Variants in MSI1 observed in about 807,000 individuals in gnomAD.
MSI1 encodes the protein musashi RNA binding protein 1, also known as RNA-binding protein Musashi homolog 1.
MSI1 carries 15 observed loss-of-function variants against 54.4 expected under a neutral mutation model. The observed-to-expected ratio is 0.28, with a 90% confidence interval of 0.18 to 0.42. The LOEUF (loss-of-function observed/expected upper bound fraction) is 0.42. Ranked by LOEUF, MSI1 falls within the 20% of genes least tolerant of loss-of-function variation. The pLI is 1.00. For synonymous variants in MSI1, 200 were observed against 196.5 expected, an observed-to-expected ratio of 1.02 and a Z score of -0.15; for missense variants, 304 against 506.0, an observed-to-expected ratio of 0.60 and a Z score of 3.83.
chr12:120,364,397 T>C (rs1333732937), intron 5 of MSI1, among the ~76,000 whole-genome samples: 3 of 152,064 alleles, frequency 2.0e-5, no homozygotes, highest in Non-Finnish European at 2.9e-5. Flanking sequence ...CTGTGGTCTA[T>C]GATGTTGGAA....
rs1379939838 is a variant in MSI1, at chr12:120,368,718, C to G, written c.100+115G>C. 8 of 1,003,706 alleles carry G rather than the reference C, an allele frequency of 8.0e-6. No homozygotes were observed. The South Asian group carries it at 3.3e-4, about 41-fold the overall frequency. 62.2% of individuals were successfully genotyped at this position (1,003,706 alleles called of 1,614,324 possible). A position where few individuals can be genotyped will look rare whatever the true frequency, so the allele number is the denominator to read the frequency against. ...TCTCCGGGCGGGGCGCGAAAGAGGG[C>G]GCGAGGGCGCCCGGGGTCAGCAGGG... On this transcript the variant is annotated intron_variant, in intron 2 of 14. Coordinates refer to ENST00000257552, the MANE Select transcript of MSI1 (RefSeq NM_002442.4). This position sits in a 1 kb window ranked among gnomAD's most constrained non-coding sequence, Gnocchi z 6.6.
At chr12:120,360,852 G>A (rs889915812) in intron 6 of MSI1, among the ~76,000 whole-genome samples, 7 of 149,986 alleles carry the variant, frequency 4.7e-5, no homozygotes, top group East Asian at 1.9e-4. Context: ...AAGGGTTCTC[G>A]CTATATTGCC....
intron 6 of MSI1, among the ~76,000 whole-genome samples, chr12:120,362,548 C>T (rs570121476): frequency 6.6e-6 from 1 of 152,280 alleles, no homozygotes; most frequent in African/African-American, 2.4e-5. Flanking sequence ...CCCCCAATAC[C>T]CAGGGGACCA....
At chr12:120,353,023 G>A (rs1278971635) in intron 10 of MSI1, among the ~76,000 whole-genome samples, 1 of 152,034 alleles carries the variant, frequency 6.6e-6, no homozygotes, top group Non-Finnish European at 1.5e-5. Flanking sequence ...CCCTGGAGTC[G>A]GGTGGGGAGG....
Position 120,357,038 on chromosome 12 carries a change from G to T in MSI1, c.535-19C>A, listed in dbSNP as rs776844870. On this transcript the variant is annotated intron_variant, in intron 8 of 14. Coordinates refer to ENST00000257552, the MANE Select transcript of MSI1 (RefSeq NM_002442.4). Reference sequence around the variant, plus strand: ...ATTCCACCTGCAATGAGACCTGGCGGTTAGTCTTTCCCACAGAGCTAGAGT... The same window carrying T: ...ATTCCACCTGCAATGAGACCTGGCGTTTAGTCTTTCCCACAGAGCTAGAGT... 46 of 1,606,228 alleles carry T rather than the reference G, an allele frequency of 2.9e-5. No individual in the cohort carries two copies. Among genetic ancestry groups the T allele is most frequent in the Middle Eastern group, 1.6e-4 (1 of 6,072 alleles).
chr12:120,353,296 T>C lies in MSI1; in HGVS notation c.733+3A>G. The C allele has an allele frequency of 3.1e-6, 5 of 1,613,882 alleles. No individual in the cohort carries two copies. Among genetic ancestry groups the C allele is most frequent in the Non-Finnish European group, 4.2e-6 (5 of 1,179,842 alleles). Reference sequence around the variant, plus strand: ...CAGCAGAGGGATACTGAGCAGGACTTACCGGGGAACTGGTAGGTGTAGCCA... The same window carrying C: ...CAGCAGAGGGATACTGAGCAGGACTCACCGGGGAACTGGTAGGTGTAGCCA... On this transcript the variant is annotated splice_donor_region_variant and intron_variant, in intron 10 of 14. Coordinates refer to ENST00000257552, the MANE Select transcript of MSI1 (RefSeq NM_002442.4).
Position 120,351,407 on chromosome 12 carries a change from T to C in MSI1, c.734-7A>G, listed in dbSNP as rs367545008. The C allele has an allele frequency of 1.2e-6, 2 of 1,613,172 alleles. No individual in the cohort carries two copies. Among genetic ancestry groups the C allele is most frequent in the Non-Finnish European group, 1.7e-6 (2 of 1,179,810 alleles). On this transcript the variant is annotated splice_region_variant and splice_polypyrimidine_tract_variant and intron_variant, in intron 10 of 14. Coordinates refer to ENST00000257552, the MANE Select transcript of MSI1 (RefSeq NM_002442.4). The stretch of plus-strand genomic sequence containing the variant: ...GTCCGCTCTACACGGAATTCTAAAA[T>C]GAAACGTAAAACAGCTTAGGAAGAA...
downstream of MSI1, chr12:120,341,239 T>C (rs1317788796): frequency 6.6e-6 from 1 of 152,510 alleles, no homozygotes; most frequent in Non-Finnish European, 1.5e-5. Context: ...GCCAGGACCC[T>C]AAGAGGATGG....
chr12:120,346,063 C>T (rs1874090655), intron 13 of MSI1, 72 bp downstream of exon 13: 1 of 1,334,642 alleles, frequency 7.5e-7, no homozygotes, highest in Non-Finnish European at 9.9e-7. Context: ...AAGAAGTTCT[C>T]TCCCTTCCCC....
chr12:120,364,825 C>T, intron 4 of MSI1, 70 bp from the exon 5 acceptor site: 1 of 1,445,242 alleles, frequency 6.9e-7, no homozygotes, highest in Non-Finnish European at 9.4e-7. Context: ...ACACAGCCTT[C>T]AGCCCTCAGG....
At chr12:120,364,182 G>A (rs746223181) in intron 5 of MSI1, among the ~76,000 whole-genome samples, 2 of 152,272 alleles carry the variant, frequency 1.3e-5, no homozygotes, top group African/African-American at 2.4e-5. Context: ...GGGAGAACTC[G>A]CCAGAGCAGC....
At position 120,369,128 on chromosome 12, in the gene MSI1, C is replaced by T. The variant is rs1876228655; in HGVS notation, c.-37G>A. The T allele has an allele frequency of 4.0e-6, 4 of 1,000,152 alleles. No homozygotes were observed. Among genetic ancestry groups the T allele is most frequent in the Non-Finnish European group, 4.7e-6 (4 of 844,350 alleles). 62.0% of individuals were successfully genotyped at this position (1,000,152 alleles called of 1,614,324 possible). A position where few individuals can be genotyped will look rare whatever the true frequency, so the allele number is the denominator to read the frequency against. ...GGCGGCGCGGGCAGCGGAGCGGCGGCGGCGGCGGCGGCGGCGGCGCTCGGC... is the reference window on the plus strand; with the variant it reads ...GGCGGCGCGGGCAGCGGAGCGGCGGTGGCGGCGGCGGCGGCGGCGCTCGGC... On this transcript the variant is annotated 5_prime_UTR_variant, in exon 1 of 15. Coordinates refer to ENST00000257552, the MANE Select transcript of MSI1 (RefSeq NM_002442.4).
At chr12:120,363,436 C>T (rs1373459606) in intron 5 of MSI1, among the ~76,000 whole-genome samples, 7 of 152,144 alleles carry the variant, frequency 4.6e-5, no homozygotes, top group Admixed American at 4.6e-4. Context: ...GGCCAGTGAC[C>T]CAGACCCACA....
intron 14 of MSI1, 63 bp from the exon 15 acceptor site, chr12:120,343,168 TCCC>T (rs1181541061): frequency 6.6e-6 from 1 of 152,210 alleles, no homozygotes; most frequent in Admixed American, 6.6e-5. Context: ...CCCAGTTCTC[TCCC>T]AGAAGAGCTT....
At chr12:120,360,866 G>C (rs1274438341) in intron 6 of MSI1, among the ~76,000 whole-genome samples, 1 of 151,338 alleles carries the variant, frequency 6.6e-6, no homozygotes, top group African/African-American at 2.4e-5. Flanking sequence ...TATTGCCCAG[G>C]CTAGTCTTGA....
intron 4 of MSI1, among the ~76,000 whole-genome samples, chr12:120,365,203 G>A (rs1875940033): frequency 6.6e-6 from 1 of 152,096 alleles, no homozygotes; most frequent in Admixed American, 6.6e-5. Flanking sequence ...GAGTCACCAC[G>A]CCCAGCCAGT....
chr12:120,347,252 C>A (rs972956404), intron 12 of MSI1, among the ~76,000 whole-genome samples, 194 bp downstream of exon 12: 1 of 152,214 alleles, frequency 6.6e-6, no homozygotes, highest in Non-Finnish European at 1.5e-5. Context: ...GCCCAGCCGA[C>A]CCTGTCAGTC....
At chr12:120,346,085 C>G (rs1325428149) in intron 13 of MSI1, 50 bp downstream of exon 13, 1 of 1,429,040 alleles carries the variant, frequency 7.0e-7, no homozygotes, top group Non-Finnish European at 9.2e-7. Flanking sequence ...ACTTGGGGGT[C>G]TCTCAAGGTG....
intron 5 of MSI1, 121 bp from the exon 6 acceptor site, chr12:120,363,256 T>G (rs2136980517): frequency 1.4e-6 from 1 of 691,430 alleles, no homozygotes; most frequent in East Asian, 2.8e-5. Flanking sequence ...CCAGCCTCTT[T>G]AAAGGCCCCC....
Sources: gnomAD v4.1 joint callset for allele counts (sites outside exome capture counted in the v4.1 genomes callset) on GRCh38, gnomAD v4.1.1 for gene constraint, Gnocchi (gnomAD v3.1) non-coding constraint, MANE v1.5 for transcripts, NCBI Gene and HGNC (gene_info 2026-07-23, HGNC 2026-07-21) for gene names.